ST6GAL1: variants seen among roughly 807,000 people sequenced by gnomAD.
ST6GAL1 encodes the protein ST6 beta-galactoside alpha-2,6-sialyltransferase 1.
Under a neutral mutation model 38.0 loss-of-function variants are expected in ST6GAL1, and 20 were observed. The ratio of observed to expected loss-of-function variants is 0.53; its 90% CI spans 0.37 to 0.77. The LOEUF (loss-of-function observed/expected upper bound fraction) is 0.77. Among genes scored for constraint, ST6GAL1 ranks in the 30% least tolerant of loss-of-function variants. ST6GAL1 has a pLI of 0.00. For synonymous variants in ST6GAL1, 196 were observed against 188.2 expected, an observed-to-expected ratio of 1.04 and a Z score of -0.34; for missense variants, 432 against 496.4, an observed-to-expected ratio of 0.87 and a Z score of 1.23.
At chr3:187,041,345 T>A (rs567017809) in intron 3 of ST6GAL1, among the ~76,000 whole-genome samples, 70 of 152,322 alleles carry the variant, frequency 4.6e-4, no homozygotes, top group African/African-American at 1.4e-3. Context: ...GGAAGGGACC[T>A]CAGACCCCTA....
At chr3:187,021,818 G>T (rs929379848) in intron 2 of ST6GAL1, 1 of 151,814 alleles carries the variant, frequency 6.6e-6, no homozygotes, top group Admixed American at 6.6e-5. Flanking sequence ...TGACGTCAAG[G>T]AAGCTTCTAT....
At chr3:186,939,785 A>G (rs1714099111) in intron 1 of ST6GAL1, among the ~76,000 whole-genome samples, 1 of 152,150 alleles carries the variant, frequency 6.6e-6, no homozygotes, top group South Asian at 2.1e-4. Flanking sequence ...AGCACCTGAC[A>G]CACACAACGC....
intron 2 of ST6GAL1, among the ~76,000 whole-genome samples, chr3:186,976,120 C>A (rs1267904984): frequency 6.6e-6 from 1 of 152,214 alleles, no homozygotes; most frequent in African/African-American, 2.4e-5. Flanking sequence ...TGCATCCTAC[C>A]ACAGAGAACT....
At chr3:186,982,360 T>C (rs189198110) in intron 2 of ST6GAL1, among the ~76,000 whole-genome samples, 1 of 152,352 alleles carries the variant, frequency 6.6e-6, no homozygotes, top group East Asian at 1.9e-4. Flanking sequence ...AAGTCATTTC[T>C]TAGTAAGATA....
intron 2 of ST6GAL1, among the ~76,000 whole-genome samples, chr3:187,023,835 G>C (rs1167718970): frequency 6.6e-6 from 1 of 150,990 alleles, no homozygotes; most frequent in Non-Finnish European, 1.5e-5. Context: ...GTATACATAT[G>C]TAACAAACCT....
At chr3:186,986,671 G>C (rs1019639340) in intron 2 of ST6GAL1, 1 of 152,140 alleles carries the variant, frequency 6.6e-6, no homozygotes, top group African/African-American at 2.4e-5. Context: ...AGGGTGACTA[G>C]AGTGACACGT....
At position 187,040,156 on chromosome 3, in the gene ST6GAL1, A is replaced by G. The variant is rs1718078609; in HGVS notation, c.-51+1283A>G. On this transcript the variant is annotated intron_variant, in intron 3 of 7. Transcript: ENST00000169298. Reference sequence around the variant, plus strand: ...AACTTTGAAAATTATTTGTATTTCCAAACCTCACTATACTCAGCTATAAAT... The same window carrying G: ...AACTTTGAAAATTATTTGTATTTCCGAACCTCACTATACTCAGCTATAAAT... Among the ~76,000 whole-genome samples, 5 of 152,236 alleles carry G rather than the reference A, an allele frequency of 3.3e-5. No homozygotes were observed. The South Asian group carries it at 1.0e-3, about 32-fold the overall frequency.
intron 5 of ST6GAL1, among the ~76,000 whole-genome samples, chr3:187,058,056 GC>G (rs1409382140): frequency 1.3e-5 from 2 of 152,246 alleles, no homozygotes; most frequent in African/African-American, 4.8e-5. Flanking sequence ...TCAGACTGCT[GC>G]ACTAGCAGTG....
At chr3:187,061,967 CATCT>C (rs1459262013) in intron 5 of ST6GAL1, among the ~76,000 whole-genome samples, 3 of 152,096 alleles carry the variant, frequency 2.0e-5, no homozygotes, top group Admixed American at 1.3e-4. Flanking sequence ...ATTTGCAAGT[CATCT>C]ATCTGATAAG....
At chr3:187,030,183 C>T (rs1000170938) in intron 2 of ST6GAL1, among the ~76,000 whole-genome samples, 3 of 152,010 alleles carry the variant, frequency 2.0e-5, no homozygotes, top group African/African-American at 4.8e-5. Context: ...CAACGAAGCA[C>T]GGTATTTTGG....
intron 4 of ST6GAL1, among the ~76,000 whole-genome samples, chr3:187,044,169 T>A (rs1718219727): frequency 6.6e-6 from 1 of 152,200 alleles, no homozygotes; most frequent in Non-Finnish European, 1.5e-5. Flanking sequence ...TTGTAGTGAA[T>A]CAAGATAGAA....
At chr3:186,948,137 T>G (rs563304824) in intron 1 of ST6GAL1, among the ~76,000 whole-genome samples, 11 of 152,240 alleles carry the variant, frequency 7.2e-5, no homozygotes, top group Admixed American at 3.9e-4. Context: ...GGGCCAGAGT[T>G]GCGTCGGGAT....
Position 187,076,715 on chromosome 3 carries a change from A to G in ST6GAL1, c.*912A>G, listed in dbSNP as rs886513929. 2.5e-6 allele frequency: 1 copy of G among 397,716 alleles called. No individual in the cohort carries two copies. The highest frequency in any genetic ancestry group is 4.4e-5 in the Admixed American group (1 of 22,716). 24.6% of individuals were successfully genotyped at this position (397,716 alleles called of 1,614,324 possible). A position where few individuals can be genotyped will look rare whatever the true frequency, so the allele number is the denominator to read the frequency against. ...AGCAGATTACATCTGAGCCGTTTGA[A>G]TTGTGTTTTTCTTTCTTCCCATGTT... On this transcript the variant is annotated 3_prime_UTR_variant, in exon 8 of 8. Transcript: ENST00000169298.
At position 187,043,055 on chromosome 3, in the gene ST6GAL1, A is replaced by G. The variant is rs1718181246; in HGVS notation, c.352A>G (p.Ser118Gly). 1.2e-5 allele frequency: 19 copies of G among 1,614,198 alleles called. No homozygotes were observed. Among genetic ancestry groups the G allele is most frequent in the Non-Finnish European group, 1.5e-5 (18 of 1,180,038 alleles). Reference sequence around the variant, plus strand: ...GCAAAAGATCTGGAAGAATTACCTAAGCATGAACAAGTACAAAGTGTCCTA... The same window carrying G: ...GCAAAAGATCTGGAAGAATTACCTAGGCATGAACAAGTACAAAGTGTCCTA... ...RLQKIWKNYL[S>G]MNKYKVSYKG... The change falls in exon 4 of 8, where the codon AGC becomes GGC. Residue 118 changes from serine to glycine, a missense_variant. Coordinates refer to ENST00000169298, the MANE Select transcript of ST6GAL1 (RefSeq NM_173216.2).
chr3:186,947,124 A>T (rs965787026), intron 1 of ST6GAL1, among the ~76,000 whole-genome samples: 1 of 152,162 alleles, frequency 6.6e-6, no homozygotes. Context: ...AGAAGCAAGG[A>T]TGAAGGAAAA....
intron 2 of ST6GAL1, among the ~76,000 whole-genome samples, chr3:187,031,073 GACAGATCTGCAA>G (rs1717731088): frequency 6.6e-6 from 1 of 152,172 alleles, no homozygotes; most frequent in Admixed American, 6.5e-5. Flanking sequence ...ATCTGGTTGG[GACAGATCTGCAA>G]ACAGATAAAT....
intron 2 of ST6GAL1, among the ~76,000 whole-genome samples, chr3:186,988,312 G>A (rs376392338): frequency 6.6e-6 from 1 of 152,002 alleles, no homozygotes. Flanking sequence ...TTGGTCATGG[G>A]GATAATGCTT....
chr3:187,050,568 GGGA>G (rs1718479420), intron 4 of ST6GAL1, among the ~76,000 whole-genome samples: 1 of 150,916 alleles, frequency 6.6e-6, no homozygotes, highest in Non-Finnish European at 1.5e-5. Context: ...GAGGGAGGGA[GGGA>G]AGGAAGGAGG....
intron 4 of ST6GAL1, among the ~76,000 whole-genome samples, chr3:187,047,226 T>A (rs1394080873): frequency 6.6e-6 from 1 of 150,506 alleles, no homozygotes; most frequent in Non-Finnish European, 1.5e-5. Context: ...ATTACAGGTG[T>A]GAGCCACCGC....
Sources: allele counts gnomAD v4.1 joint callset (sites outside exome capture counted in the v4.1 genomes callset), GRCh38; gene constraint gnomAD v4.1.1; transcripts MANE v1.5; gene names NCBI Gene and HGNC (gene_info 2026-07-23, HGNC 2026-07-21).